GPC6: variants seen among roughly 807,000 people sequenced by gnomAD.
The protein encoded by GPC6 is glypican 6.
Under a neutral mutation model 55.2 loss-of-function variants are expected in GPC6, and 14 were observed. The ratio of observed to expected loss-of-function variants is 0.25; its 90% CI spans 0.17 to 0.40. GPC6 has a LOEUF of 0.40. Ranked by LOEUF, GPC6 falls within the 10% of genes least tolerant of loss-of-function variation. The pLI is 1.00. For synonymous variants in GPC6, 278 were observed against 259.6 expected, an observed-to-expected ratio of 1.07 and a Z score of -0.68; for missense variants, 641 against 708.5, an observed-to-expected ratio of 0.90 and a Z score of 1.08.
intron 1 of GPC6, among the ~76,000 whole-genome samples, chr13:93,407,267 G>A (rs981363839): frequency 1.3e-5 from 2 of 151,356 alleles, no homozygotes. Flanking sequence ...TTTTTATTTA[G>A]AGAGAGAGAG....
At chr13:93,932,106 T>G (rs1878207396) in intron 3 of GPC6, among the ~76,000 whole-genome samples, 1 of 152,252 alleles carries the variant, frequency 6.6e-6, no homozygotes. Context: ...TATTCATGCC[T>G]TTGTCAGTAT....
At chr13:94,321,442 T>C (rs1447412220) in intron 6 of GPC6, among the ~76,000 whole-genome samples, 1 of 152,186 alleles carries the variant, frequency 6.6e-6, no homozygotes, top group Non-Finnish European at 1.5e-5. Flanking sequence ...AGTAATGGGA[T>C]TGCTGGGTCA....
intron 1 of GPC6, among the ~76,000 whole-genome samples, chr13:93,412,105 A>G (rs948751467): frequency 6.6e-6 from 1 of 152,118 alleles, no homozygotes; most frequent in African/African-American, 2.4e-5. Flanking sequence ...CCACTTTAAT[A>G]CCGTGATAAC....
intron 4 of GPC6, among the ~76,000 whole-genome samples, chr13:94,180,023 T>C (rs182508377): frequency 6.6e-6 from 1 of 152,202 alleles, no homozygotes; most frequent in Admixed American, 6.5e-5. Flanking sequence ...GCAGGTACCA[T>C]TGTGTGCAGG....
At chr13:93,564,811 CT>C (rs1408767402) in intron 2 of GPC6, among the ~76,000 whole-genome samples, 30 of 152,104 alleles carry the variant, frequency 2.0e-4, no homozygotes, top group African/African-American at 6.8e-4. Flanking sequence ...TACAAAATAA[CT>C]AAAACAGACC....
intron 2 of GPC6, among the ~76,000 whole-genome samples, chr13:93,606,567 A>G (rs1878246939): frequency 6.6e-6 from 1 of 152,202 alleles, no homozygotes; most frequent in African/African-American, 2.4e-5. Flanking sequence ...TAAGTTAACC[A>G]TAGGACAGTG....
intron 5 of GPC6, among the ~76,000 whole-genome samples, chr13:94,291,659 A>G (rs962258035): frequency 1.3e-5 from 2 of 151,934 alleles, no homozygotes; most frequent in African/African-American, 4.8e-5. Context: ...AGAGTCTAAA[A>G]TCTATATTCT....
At chr13:93,548,433 G>A (rs1051770551) in intron 2 of GPC6, among the ~76,000 whole-genome samples, 3 of 152,158 alleles carry the variant, frequency 2.0e-5, no homozygotes, top group African/African-American at 7.2e-5. Flanking sequence ...GTCAATCACT[G>A]GTAATGATTA....
chr13:93,985,282 C>CAA (rs1440488194), intron 3 of GPC6, among the ~76,000 whole-genome samples: 12 of 152,002 alleles, frequency 7.9e-5, no homozygotes, highest in African/African-American at 2.9e-4. Flanking sequence ...ACTAAAAATG[C>CAA]AAAAATTAGC....
At chr13:93,440,254 G>C (rs1432536005) in intron 1 of GPC6, among the ~76,000 whole-genome samples, 1 of 152,082 alleles carries the variant, frequency 6.6e-6, no homozygotes, top group African/African-American at 2.4e-5. Context: ...ATGATTTCTG[G>C]AACTCCCTGT....
At chr13:93,778,131 C>G (rs1445609321) in intron 2 of GPC6, among the ~76,000 whole-genome samples, 1 of 152,184 alleles carries the variant, frequency 6.6e-6, no homozygotes, top group Non-Finnish European at 1.5e-5. Context: ...CCTGCTAAAT[C>G]TGTTAACCTC....
intron 4 of GPC6, among the ~76,000 whole-genome samples, chr13:94,163,572 C>T (rs1888244227): frequency 6.6e-6 from 1 of 152,128 alleles, no homozygotes; most frequent in African/African-American, 2.4e-5. Context: ...TAGCTTTATT[C>T]CCTATACTTG....
At chr13:94,311,269 A>G (rs148129884) in intron 6 of GPC6, among the ~76,000 whole-genome samples, 24 of 152,100 alleles carry the variant, frequency 1.6e-4, no homozygotes, top group Admixed American at 5.2e-4. Context: ...CCCAGGTTCA[A>G]GTGATTCACC....
chr13:93,765,948 C>T (rs1304760477), intron 2 of GPC6, among the ~76,000 whole-genome samples: 1 of 152,122 alleles, frequency 6.6e-6, no homozygotes, highest in Non-Finnish European at 1.5e-5. Flanking sequence ...AACCTTGCCT[C>T]CTATGTTAGT....
chr13:94,136,985 G>C (rs1467342325), intron 4 of GPC6, among the ~76,000 whole-genome samples: 1 of 152,168 alleles, frequency 6.6e-6, no homozygotes, highest in Non-Finnish European at 1.5e-5. Flanking sequence ...ACATCAGTAA[G>C]ACTCAATGAC....
chr13:94,105,346 AAAT>A (rs58626603), intron 4 of GPC6, among the ~76,000 whole-genome samples: 84,590 of 152,004 alleles, frequency 0.56, 23,702 homozygotes, highest in Middle Eastern at 0.62. Flanking sequence ...ACAATAGAGC[AAAT>A]AGAGCAAAAT....
chr13:93,423,686 C>T (rs994805975), intron 1 of GPC6, among the ~76,000 whole-genome samples: 1 of 152,074 alleles, frequency 6.6e-6, no homozygotes, highest in African/African-American at 2.4e-5. Flanking sequence ...CCACCTTCTC[C>T]ACCACTCCGC....
intron 1 of GPC6, among the ~76,000 whole-genome samples, chr13:93,527,648 GA>G (rs1881707332): frequency 6.6e-6 from 1 of 152,068 alleles, no homozygotes; most frequent in African/African-American, 2.4e-5. Context: ...ATTTTAGAAA[GA>G]GACCTCTTGC....
At chr13:94,243,585 A>G (rs1362776889) in intron 4 of GPC6, among the ~76,000 whole-genome samples, 1 of 152,116 alleles carries the variant, frequency 6.6e-6, no homozygotes, top group Non-Finnish European at 1.5e-5. Flanking sequence ...ACCTGTTTCA[A>G]AGGATTATAC....
Sources: allele counts gnomAD v4.1 joint callset (sites outside exome capture counted in the v4.1 genomes callset), GRCh38; gene constraint gnomAD v4.1.1; transcripts MANE v1.5; gene names NCBI Gene and HGNC (gene_info 2026-07-23, HGNC 2026-07-21).